The following NTRK2 variants were observed in gnomAD, a reference collection of about 807,000 sequenced individuals.
NTRK2 encodes BDNF/NT-3 growth factors receptor.
A neutral mutation model predicts 94.5 loss-of-function variants in NTRK2; 13 were observed. The observed-to-expected ratio is 0.14, with a 90% CI of 0.09 to 0.22. NTRK2 has a LOEUF of 0.22. NTRK2 is among the 10% of genes least tolerant of loss of function. NTRK2 has a pLI of 1.00. For synonymous variants in NTRK2, 372 were observed against 407.4 expected (o/e 0.91, Z 1.05); for missense variants, 639 against 1,071.2 (o/e 0.60, Z 5.63).
rs185344669 is a variant in NTRK2, at chr9:84,697,826, G to C, written c.213-4333G>C. ...TCCAGGGAACCAAGAACTTGAGCTC[G>C]GGTGTGTTTGTCCACTGAGTCACTG... On this transcript the variant is annotated intron_variant, in intron 2 of 18. Coordinates refer to ENST00000277120, the MANE Select transcript of NTRK2 (RefSeq NM_006180.6). 6.6e-5 allele frequency among the ~76,000 whole-genome samples: 10 copies of C among 152,254 alleles called. No homozygotes were observed. The East Asian group carries it at 1.9e-3, about 29-fold the overall frequency.
intron 12 of NTRK2, among the ~76,000 whole-genome samples, chr9:84,846,732 T>A (rs1448564032): frequency 6.6e-6 from 1 of 152,214 alleles, no homozygotes; most frequent in Non-Finnish European, 1.5e-5. Flanking sequence ...CCAATAGTGA[T>A]AGCCAATAAA....
At chr9:84,929,306 C>A (rs1446336748) in intron 14 of NTRK2, among the ~76,000 whole-genome samples, 1 of 152,260 alleles carries the variant, frequency 6.6e-6, no homozygotes, top group Non-Finnish European at 1.5e-5. Flanking sequence ...TCACTTCTGG[C>A]ACTCATGGGA....
chr9:84,813,686 C>T (rs2072063614), intron 12 of NTRK2: 2 of 1,066,042 alleles, frequency 1.9e-6, no homozygotes, highest in Admixed American at 5.3e-5. Context: ...AACCCATTCC[C>T]TGGTTGGTCC....
chr9:84,872,000 T>C (rs2075882831), intron 14 of NTRK2: 1 of 1,513,892 alleles, frequency 6.6e-7, no homozygotes, highest in Non-Finnish European at 8.8e-7. Context: ...GACAAAGCAG[T>C]GTGCTCTAAT....
At chr9:84,900,215 G>T (rs915100896) in intron 14 of NTRK2, among the ~76,000 whole-genome samples, 2 of 152,140 alleles carry the variant, frequency 1.3e-5, no homozygotes, top group Admixed American at 6.5e-5. Context: ...GCTGGTTCGG[G>T]TGTTAGAGGT....
intron 15 of NTRK2, among the ~76,000 whole-genome samples, chr9:84,941,001 A>G (rs1164513110): frequency 6.6e-6 from 1 of 152,184 alleles, no homozygotes; most frequent in Admixed American, 6.5e-5. Flanking sequence ...TGATGAAAAG[A>G]TTAGTTACTT....
At chr9:84,817,840 G>A (rs2072524926) in intron 12 of NTRK2, among the ~76,000 whole-genome samples, 2 of 152,164 alleles carry the variant, frequency 1.3e-5, no homozygotes, top group South Asian at 2.1e-4. Context: ...GGCCACACAT[G>A]ATTGGCCTAG....
At chr9:84,905,606 TG>T (rs1259403579) in intron 14 of NTRK2, among the ~76,000 whole-genome samples, 8 of 152,176 alleles carry the variant, frequency 5.3e-5, no homozygotes, top group African/African-American at 1.9e-4. Flanking sequence ...AAATTTTAGG[TG>T]TATACTGGCT....
chr9:84,797,866 AAT>A (rs995207681), intron 12 of NTRK2, among the ~76,000 whole-genome samples: 11 of 105,454 alleles, frequency 1.0e-4, no homozygotes, highest in South Asian at 5.0e-4. Context: ...ATACTATAAT[AAT>A]ATATATAATA....
Position 84,677,821 on chromosome 9 carries a change from CT to C in NTRK2, c.212+6862del, listed in dbSNP as rs142114501. ...GCTTCATCCTCTGTCTTCCCCACCC[CT>C]ATCCTCTTCTCCTGTTCAGCTCCTG... On this transcript the variant is annotated intron_variant, in intron 2 of 18. Coordinates refer to ENST00000277120, the MANE Select transcript of NTRK2 (RefSeq NM_006180.6). Among the ~76,000 whole-genome samples the C allele has an allele frequency of 6.9e-3, 1,051 of 152,292 alleles. 20 individuals are homozygous for C. The highest frequency in any genetic ancestry group is 0.024 in the African/African-American group (986 of 41,564).
rs1370943775 is a variant in NTRK2, at chr9:84,977,196, T to A, written c.2172+21679T>A. The stretch of plus-strand genomic sequence containing the variant: ...TAAATACATCTTATTTAGTATGTAT[T>A]GTTGATTCATTTACATTGAACTCAG... On this transcript the variant is annotated intron_variant, in intron 17 of 18. Transcript: ENST00000277120. 2.0e-5 allele frequency among the ~76,000 whole-genome samples: 3 copies of A among 152,228 alleles called. No individual in the cohort carries two copies. The East Asian group carries it at 5.8e-4, about 29-fold the overall frequency.
chr9:85,023,685 G>A lies in NTRK2; in HGVS notation c.*2248G>A. On this transcript the variant is annotated 3_prime_UTR_variant, in exon 19 of 19. Coordinates refer to ENST00000277120, the MANE Select transcript of NTRK2 (RefSeq NM_006180.6). ...TATATATACATACATGTGCATGTAT[G>A]TATCATATTAAGGACCCATGGTACT... 4.4e-6 allele frequency: 1 copy of A among 227,620 alleles called. No individual in the cohort carries two copies. Among genetic ancestry groups the A allele is most frequent in the Non-Finnish European group, 8.7e-6 (1 of 114,530 alleles). The allele number at this position is 227,620 out of a possible 1,614,324, so 14.1% of individuals were successfully genotyped here.
chr9:84,976,976 C>T (rs1246389121), intron 17 of NTRK2, among the ~76,000 whole-genome samples: 2 of 152,208 alleles, frequency 1.3e-5, no homozygotes, highest in African/African-American at 2.4e-5. Flanking sequence ...TACACATACA[C>T]ATACACTTGA....
intron 13 of NTRK2, among the ~76,000 whole-genome samples, chr9:84,865,327 C>T (rs149075574): frequency 1.8e-4 from 27 of 152,294 alleles, no homozygotes; most frequent in African/African-American, 6.5e-4. Flanking sequence ...CAATGCACAT[C>T]CCCTTGAGAG....
intron 17 of NTRK2, among the ~76,000 whole-genome samples, chr9:84,987,742 A>ATGCAGAAAATACCCTTCTAACTTATT (rs1407561746): frequency 1.3e-5 from 2 of 152,194 alleles, no homozygotes; most frequent in Non-Finnish European, 2.9e-5. Flanking sequence ...TATACTTAGG[A>ATGCAGAAAATACCCTTCTAACTTATT]TGCAGAAAAT....
At chr9:84,691,374 T>C (rs1052165139) in intron 2 of NTRK2, among the ~76,000 whole-genome samples, 15 of 67,058 alleles carry the variant, frequency 2.2e-4, no homozygotes, top group African/African-American at 1.0e-3. Flanking sequence ...ATCCCAGGGC[T>C]GTAATTATAA....
At chr9:84,913,528 C>G (rs2077305814) in intron 14 of NTRK2, among the ~76,000 whole-genome samples, 2 of 152,052 alleles carry the variant, frequency 1.3e-5, no homozygotes, top group Admixed American at 6.6e-5. Context: ...TTTTCTTGTT[C>G]CTGAACGACA....
At position 84,724,342 on chromosome 9, in the gene NTRK2, A is replaced by T. The variant is rs766162328; in HGVS notation, c.839A>T (p.Asn280Ile). 2.5e-6 allele frequency: 4 copies of T among 1,614,122 alleles called. No homozygotes were observed. Among genetic ancestry groups the T allele is most frequent in the Non-Finnish European group, 3.4e-6 (4 of 1,179,992 alleles). Residue 280 changes from asparagine to isoleucine, a missense_variant, in exon 8 of 19, where the codon AAC (asparagine) becomes ATC (isoleucine). Transcript: ENST00000277120. ...GTAGGAGAAGATCAAGATTCTGTCA[A>T]CCTCACTGTGCATTGTACGTAATCA... ...NLVGEDQDSV[N>I]LTVHFAPTIT... is the part of the protein sequence containing the mutation.
intron 15 of NTRK2, among the ~76,000 whole-genome samples, chr9:84,947,051 G>A (rs1358649927): frequency 1.3e-5 from 2 of 152,130 alleles, no homozygotes; most frequent in Admixed American, 1.3e-4. Context: ...TGCCTCCTGG[G>A]TTCAAGTGAT....
Sources: gnomAD v4.1 joint callset for allele counts (sites outside exome capture counted in the v4.1 genomes callset) on GRCh38, gnomAD v4.1.1 for gene constraint, MANE v1.5 for transcripts, NCBI Gene and HGNC (gene_info 2026-07-23, HGNC 2026-07-21) for gene names.